Variants in KCTD3 observed in about 807,000 individuals in gnomAD.
The protein encoded by KCTD3 is BTB/POZ domain-containing protein KCTD3.
In KCTD3, 41 loss-of-function variants were observed where a neutral mutation model predicts 85.8. That is an observed-to-expected ratio of 0.48 (90% CI 0.37 to 0.62). The LOEUF is 0.62. Ranked by LOEUF, KCTD3 falls within the 20% of genes least tolerant of loss-of-function variation. KCTD3 has a pLI of 0.00. For missense variants in KCTD3, 724 were observed against 989.9 expected, an observed-to-expected ratio of 0.73 and a Z score of 3.60; for synonymous variants, 338 against 345.4, an observed-to-expected ratio of 0.98 and a Z score of 0.24.
At chr1:215,604,942 G>A (rs1212385599) in intron 13 of KCTD3, among the ~76,000 whole-genome samples, 1 of 151,746 alleles carries the variant, frequency 6.6e-6, no homozygotes, top group Non-Finnish European at 1.5e-5. Flanking sequence ...ATATTAATTG[G>A]ATACATAAAA....
At chr1:215,571,064 GATAAT>G (rs1659338577) in intron 1 of KCTD3, among the ~76,000 whole-genome samples, 1 of 152,162 alleles carries the variant, frequency 6.6e-6, no homozygotes, top group Non-Finnish European at 1.5e-5. Context: ...AATTGAAACT[GATAAT>G]ATGATTTTAA....
intron 8 of KCTD3, chr1:215,581,320 T>C (rs1406065433): frequency 6.5e-6 from 1 of 152,940 alleles, no homozygotes; most frequent in Non-Finnish European, 1.5e-5. Context: ...AGCATGGAAA[T>C]TGTTTTTTGC....
intron 8 of KCTD3, 90 bp from the exon 9 acceptor site, chr1:215,586,405 T>G: frequency 9.5e-7 from 1 of 1,054,706 alleles, no homozygotes; most frequent in South Asian, 1.8e-5. Context: ...TTGTTTTTTG[T>G]TGTTGTTTTT....
At chr1:215,587,356 C>T (rs895581979) in intron 9 of KCTD3, among the ~76,000 whole-genome samples, 1 of 152,052 alleles carries the variant, frequency 6.6e-6, no homozygotes, top group Admixed American at 6.6e-5. Context: ...GTCTCGATCT[C>T]CTGATCTTGT....
intron 8 of KCTD3, among the ~76,000 whole-genome samples, chr1:215,581,971 C>T (rs1659842019): frequency 6.6e-6 from 1 of 152,222 alleles, no homozygotes; most frequent in African/African-American, 2.4e-5. Context: ...CCTAGCTTCA[C>T]TAATTTTCTA....
intron 8 of KCTD3, among the ~76,000 whole-genome samples, chr1:215,584,688 A>G (rs940773005): frequency 7.9e-5 from 12 of 152,184 alleles, no homozygotes; most frequent in East Asian, 1.9e-4. Flanking sequence ...TATCAGCTCT[A>G]TGAGTCAAAT....
At chr1:215,613,297 A>C (rs1250371763) in intron 15 of KCTD3, among the ~76,000 whole-genome samples, 3 of 152,178 alleles carry the variant, frequency 2.0e-5, no homozygotes, top group Non-Finnish European at 4.4e-5. Flanking sequence ...ATCTCAGCTC[A>C]CTGCAACCTC....
At chr1:215,603,979 G>A (rs1289128281) in intron 12 of KCTD3, among the ~76,000 whole-genome samples, 153 bp from the exon 13 acceptor site, 1 of 152,108 alleles carries the variant, frequency 6.6e-6, no homozygotes, top group Non-Finnish European at 1.5e-5. Context: ...GACCGGAGAA[G>A]TCTTAAGATT....
At chr1:215,601,816 A>G (rs1654846375) in intron 10 of KCTD3, 51 bp from the exon 11 acceptor site, 1 of 1,100,260 alleles carries the variant, frequency 9.1e-7, no homozygotes, top group Non-Finnish European at 1.3e-6. Context: ...TGACCAGAAA[A>G]TAGAAATTAT....
intron 15 of KCTD3, among the ~76,000 whole-genome samples, chr1:215,616,868 G>T (rs1395212979): frequency 6.6e-6 from 1 of 152,220 alleles, no homozygotes; most frequent in Non-Finnish European, 1.5e-5. Flanking sequence ...TCTTCCAAAT[G>T]ATAAGTGTCT....
chr1:215,616,708 C>T (rs967533340), intron 15 of KCTD3, among the ~76,000 whole-genome samples: 4 of 152,022 alleles, frequency 2.6e-5, no homozygotes, highest in African/African-American at 4.8e-5. Flanking sequence ...TGCAGTGAGC[C>T]GAGATCACGC....
At chr1:215,582,202 C>T (rs1043453876) in intron 8 of KCTD3, among the ~76,000 whole-genome samples, 1 of 152,146 alleles carries the variant, frequency 6.6e-6, no homozygotes, top group African/African-American at 2.4e-5. Flanking sequence ...CAATTTATTA[C>T]GTAAATCATT....
At chr1:215,594,066 C>T (rs998056668) in intron 9 of KCTD3, among the ~76,000 whole-genome samples, 3 of 151,848 alleles carry the variant, frequency 2.0e-5, no homozygotes, top group African/African-American at 7.3e-5. Flanking sequence ...CAGTGTGTTG[C>T]CCAGGCTGGT....
chr1:215,581,603 C>T lies in KCTD3; in HGVS notation c.626+1604C>T, dbSNP rs148407019. ...CTTTTCCAGAACCACCACATTATTA[C>T]GCAAAATTTAACTCACTGGGTAATA... On this transcript the variant is annotated intron_variant, in intron 8 of 17. Transcript: ENST00000259154. Among the ~76,000 whole-genome samples, 279 of 152,278 alleles carry T rather than the reference C, an allele frequency of 1.8e-3. 3 individuals are homozygous for T. Among genetic ancestry groups the T allele is most frequent in the African/African-American group, 6.2e-3 (257 of 41,558 alleles).
intron 15 of KCTD3, among the ~76,000 whole-genome samples, chr1:215,614,017 A>ATT (rs1655331242): frequency 1.3e-5 from 1 of 75,720 alleles, no homozygotes; most frequent in Non-Finnish European, 2.6e-5. Context: ...ACTTTAGAAT[A>ATT]GTTTTTTTTT....
intron 10 of KCTD3, among the ~76,000 whole-genome samples, chr1:215,595,776 A>G (rs1660395331): frequency 6.6e-6 from 1 of 152,210 alleles, no homozygotes; most frequent in African/African-American, 2.4e-5. Context: ...ATAGGAGCAC[A>G]GATCTGTGTG....
intron 8 of KCTD3, among the ~76,000 whole-genome samples, chr1:215,582,022 G>T (rs1659843815): frequency 6.6e-6 from 1 of 152,212 alleles, no homozygotes; most frequent in Non-Finnish European, 1.5e-5. Context: ...TTCTTGCTGA[G>T]TTTATGACAG....
At position 215,620,865 on chromosome 1, in the gene KCTD3, A is replaced by C; in HGVS notation, c.*247A>C. 1 of 441,836 alleles carries C rather than the reference A, an allele frequency of 2.3e-6. No individual in the cohort carries two copies. Among genetic ancestry groups the C allele is most frequent in the Non-Finnish European group, 4.0e-6 (1 of 252,732 alleles). 27.4% of individuals were successfully genotyped at this position (441,836 alleles called of 1,614,324 possible). ...TTATAAAGCAGGAGTCCATTTTAACACTTACCGACTTTTTTTGGTTTGGAA... is the reference window on the plus strand; with the variant it reads ...TTATAAAGCAGGAGTCCATTTTAACCCTTACCGACTTTTTTTGGTTTGGAA... On this transcript the variant is annotated 3_prime_UTR_variant, in exon 18 of 18. Coordinates refer to ENST00000259154, the MANE Select transcript of KCTD3 (RefSeq NM_016121.5).
In KCTD3 at chr1:215,619,205, T is replaced by G; in HGVS notation, c.1800T>G (p.Asp600Glu). The G allele has an allele frequency of 6.2e-7, 1 of 1,613,986 alleles. No individual in the cohort carries two copies. Among genetic ancestry groups the G allele is most frequent in the Non-Finnish European group, 8.5e-7 (1 of 1,179,840 alleles). ...TACTCAAATTACTCGATCAATGTGA[T>G]TTGAGCACATCTCGCTGTGCTACTC... The part of the protein sequence containing the change: ...EELLKLLDQC[D>E]LSTSRCATPN... The change falls in exon 17 of 18, where the codon GAT (aspartate) becomes GAG (glutamate). Residue 600 changes from aspartate (D) to glutamate (E), a missense_variant. This residue lies in a region of KCTD3 where 136 missense variants were observed against 197.6 expected (regional missense o/e 0.69). Coordinates refer to ENST00000259154, the MANE Select transcript of KCTD3 (RefSeq NM_016121.5).
Sources: allele counts gnomAD v4.1 joint callset (sites outside exome capture counted in the v4.1 genomes callset), GRCh38; gene constraint gnomAD v4.1.1; regional missense constraint gnomAD v4.1.1; transcripts MANE v1.5; gene names NCBI Gene and HGNC (gene_info 2026-07-23, HGNC 2026-07-21).